Variants in CSGALNACT1 observed in about 807,000 individuals in gnomAD.
CSGALNACT1 encodes the protein chondroitin sulfate N-acetylgalactosaminyltransferase 1.
CSGALNACT1 carries 52 observed loss-of-function variants against 51.0 expected under a neutral mutation model. The ratio of observed to expected loss-of-function variants is 1.02; its 90% confidence interval spans 0.82 to 1.29. CSGALNACT1 has a LOEUF of 1.29. Among genes scored for constraint, CSGALNACT1 ranks in the 50% most tolerant of loss-of-function variants. The probability of loss-of-function intolerance (pLI) is 0.00; values close to 1 mark genes in which losing one functional copy is unlikely to be tolerated. For missense variants in CSGALNACT1, 935 were observed against 679.2 expected (o/e 1.38, Z -4.19); for synonymous variants, 341 against 254.4 (o/e 1.34, Z -3.24).
chr8:19,623,846 C>T (rs1297920217), intron 1 of CSGALNACT1, among the ~76,000 whole-genome samples: 1 of 152,176 alleles, frequency 6.6e-6, no homozygotes, highest in Admixed American at 6.5e-5. Flanking sequence ...AAATAATGGT[C>T]CCTCTTAATG....
At chr8:19,690,599 T>C (rs548473527) in intron 1 of CSGALNACT1, among the ~76,000 whole-genome samples, 1 of 152,348 alleles carries the variant, frequency 6.6e-6, no homozygotes, top group Admixed American at 6.5e-5. Context: ...TGTAATAAAC[T>C]ACATGAGAGG....
At chr8:19,737,839 G>C (rs1444992248) in intron 1 of CSGALNACT1, among the ~76,000 whole-genome samples, 1 of 152,168 alleles carries the variant, frequency 6.6e-6, no homozygotes, top group Non-Finnish European at 1.5e-5. Context: ...GAGGTACTTA[G>C]AGTGGTCAAA....
At chr8:19,629,257 A>G (rs1007850949) in intron 1 of CSGALNACT1, among the ~76,000 whole-genome samples, 2 of 152,232 alleles carry the variant, frequency 1.3e-5, no homozygotes, top group African/African-American at 4.8e-5. Flanking sequence ...TTAGGACAAA[A>G]GTAGGACAGA....
intron 1 of CSGALNACT1, among the ~76,000 whole-genome samples, chr8:19,700,520 G>A (rs2061807936): frequency 6.6e-6 from 1 of 152,148 alleles, no homozygotes; most frequent in Non-Finnish European, 1.5e-5. Flanking sequence ...CGGACCGTAT[G>A]ACACAGCCTT....
upstream of CSGALNACT1, among the ~76,000 whole-genome samples, chr8:19,683,637 G>C (rs370318048): frequency 1.2e-4 from 18 of 152,168 alleles, no homozygotes; most frequent in South Asian, 3.5e-3. Context: ...AAATGGAATA[G>C]ACAGACCATA....
At chr8:19,482,348 C>A (rs189162923) in intron 4 of CSGALNACT1, among the ~76,000 whole-genome samples, 147 of 152,230 alleles carry the variant, frequency 9.7e-4, no homozygotes, top group Middle Eastern at 6.8e-3. Context: ...TGGACAGTGC[C>A]GTTTTAGGCT....
At chr8:19,647,173 C>T (rs2154181024) in intron 1 of CSGALNACT1, among the ~76,000 whole-genome samples, 1 of 152,292 alleles carries the variant, frequency 6.6e-6, no homozygotes, top group Non-Finnish European at 1.5e-5. Context: ...TGACAACTCA[C>T]AGCTTCTCAC....
At chr8:19,405,985 A>G in exon 10 of CSGALNACT1, 1 of 1,614,166 alleles carries the variant, frequency 6.2e-7, no homozygotes, top group Non-Finnish European at 8.5e-7. Context: ...AGGCGTCCGT[A>G]CCACTATGAG....
At chr8:19,467,283 C>T (rs999667038) in intron 4 of CSGALNACT1, among the ~76,000 whole-genome samples, 2 of 151,896 alleles carry the variant, frequency 1.3e-5, no homozygotes, top group African/African-American at 2.4e-5. Context: ...CCATGACTGG[C>T]TAATTTTTTT....
intron 1 of CSGALNACT1, among the ~76,000 whole-genome samples, chr8:19,752,556 A>G (rs1298297062): frequency 6.6e-6 from 1 of 152,226 alleles, no homozygotes; most frequent in Non-Finnish European, 1.5e-5. Context: ...TAATTTTATT[A>G]ACAGAATAGA....
intron 4 of CSGALNACT1, among the ~76,000 whole-genome samples, chr8:19,475,848 C>G (rs1010490968): frequency 6.6e-6 from 1 of 152,222 alleles, no homozygotes; most frequent in South Asian, 2.1e-4. Context: ...CAGCCTGGCA[C>G]GTGAGAAAGA....
At chr8:19,709,183 GTACAGC>G (rs1362519152) in intron 1 of CSGALNACT1, among the ~76,000 whole-genome samples, 7 of 152,190 alleles carry the variant, frequency 4.6e-5, no homozygotes, top group African/African-American at 1.4e-4. Context: ...CAAGAGGTGG[GTACAGC>G]TATGCTGGAA....
In CSGALNACT1 at chr8:19,461,797, G is replaced by GGA. The variant is rs1563529650; in HGVS notation, c.635-3156_635-3155insTC. Among the ~76,000 whole-genome samples, 4 of 118,696 alleles carry GGA rather than the reference G, an allele frequency of 3.4e-5. 1 individual carries two copies. The highest frequency in any genetic ancestry group is 5.6e-4 in the South Asian group (2 of 3,542). The allele number at this position is 118,696 out of a possible 152,430, so 77.9% of individuals were successfully genotyped here. On this transcript the variant is annotated intron_variant, in intron 4 of 9. Transcript: ENST00000454498. ...GCACAGCAGCCACATTCACCATGGA[G>GGA]GGCGTATCCCCACAGCAGCCACATT...
intron 9 of CSGALNACT1, among the ~76,000 whole-genome samples, chr8:19,406,408 T>C (rs1282920464): frequency 1.4e-5 from 2 of 143,586 alleles, no homozygotes; most frequent in Non-Finnish European, 3.1e-5. Flanking sequence ...TTCGGTAGCA[T>C]TATTACTGAC....
intron 4 of CSGALNACT1, among the ~76,000 whole-genome samples, chr8:19,478,079 A>G (rs2070242326): frequency 6.6e-6 from 1 of 152,160 alleles, no homozygotes; most frequent in African/African-American, 2.4e-5. Flanking sequence ...AGCAGTGTGC[A>G]ACTGTGGTTA....
intron 1 of CSGALNACT1, among the ~76,000 whole-genome samples, chr8:19,609,584 A>T (rs746931942): frequency 7.3e-5 from 11 of 151,642 alleles, no homozygotes; most frequent in Admixed American, 1.3e-4. Context: ...AAACCCAACA[A>T]ATAGAATACA....
intron 3 of CSGALNACT1, among the ~76,000 whole-genome samples, chr8:19,553,622 T>TATATATATATATATAC (rs1564019477): frequency 6.0e-5 from 8 of 134,324 alleles, no homozygotes; most frequent in African/African-American, 2.2e-4. Flanking sequence ...TATAAATACA[T>TATATATATATATATAC]ATATATATAT....
chr8:19,435,840 T>A (rs1227910071), intron 6 of CSGALNACT1, among the ~76,000 whole-genome samples: 1 of 152,202 alleles, frequency 6.6e-6, no homozygotes, highest in Non-Finnish European at 1.5e-5. Flanking sequence ...ATTTTGACCA[T>A]GATCCTTATA....
chr8:19,701,198 C>T (rs1382342029), intron 1 of CSGALNACT1, among the ~76,000 whole-genome samples: 2 of 134,530 alleles, frequency 1.5e-5, no homozygotes, highest in Non-Finnish European at 3.1e-5. Flanking sequence ...CTCTGTTGCC[C>T]AGGCTGGAGT....
Sources: allele counts gnomAD v4.1 joint callset (sites outside exome capture counted in the v4.1 genomes callset), GRCh38; gene constraint gnomAD v4.1.1; transcripts MANE v1.5; gene names NCBI Gene and HGNC (gene_info 2026-07-23, HGNC 2026-07-21).